Variants in APP observed in about 807,000 individuals in gnomAD.
The protein encoded by APP is amyloid beta precursor protein.
Under a neutral mutation model 101.4 loss-of-function variants are expected in APP, and 31 were observed. That is an observed-to-expected ratio of 0.31 (90% CI 0.23 to 0.41). The LOEUF is 0.41. Among genes scored for constraint, APP ranks in the 10% least tolerant of loss-of-function variants. The pLI, the probability that APP is intolerant of heterozygous loss-of-function variation, is 1.00. For synonymous variants in APP, 366 were observed against 364.4 expected, an observed-to-expected ratio of 1.00 and a Z score of -0.05; for missense variants, 839 against 1,003.7, an observed-to-expected ratio of 0.84 and a Z score of 2.22.
intron 1 of APP, among the ~76,000 whole-genome samples, chr21:26,133,676 G>A (rs1052554427): frequency 4.6e-5 from 7 of 152,122 alleles, no homozygotes; most frequent in African/African-American, 1.7e-4. Flanking sequence ...GGAGGCTGAG[G>A]CAGGAGAATC....
intron 5 of APP, among the ~76,000 whole-genome samples, chr21:26,049,112 A>T (rs2045730124): frequency 6.6e-6 from 1 of 152,164 alleles, no homozygotes; most frequent in African/African-American, 2.4e-5. Context: ...AGGATTAAAA[A>T]CACATAGTAG....
In APP at chr21:25,892,377, C is replaced by CTAAT. The variant is rs563705682; in HGVS notation, c.2065-513_2065-510dup. On this transcript the variant is annotated intron_variant, in intron 16 of 17. Coordinates refer to ENST00000346798, the MANE Select transcript of APP (RefSeq NM_000484.4). The stretch of plus-strand genomic sequence containing the variant: ...GGTGTTTTTCAACTCTGCAGATGTC[C>CTAAT]TAATTTCCTTGGAGGGACACTTTTA... 3.2e-3 allele frequency among the ~76,000 whole-genome samples: 482 copies of CTAAT among 152,286 alleles called. 2 individuals are homozygous for CTAAT. The highest frequency in any genetic ancestry group is 0.011 in the African/African-American group (452 of 41,568).
intron 13 of APP, among the ~76,000 whole-genome samples, chr21:25,948,469 C>T (rs892481490): frequency 1.3e-5 from 2 of 152,112 alleles, no homozygotes; most frequent in Admixed American, 6.6e-5. Context: ...CTTGATTCCC[C>T]GCCATATCTT....
At chr21:26,096,726 G>T (rs2000454) in intron 2 of APP, among the ~76,000 whole-genome samples, 148,090 of 152,226 alleles carry the variant, frequency 0.97, 72,042 homozygotes, top group African/African-American at 0.99. Flanking sequence ...CAGTGAACTG[G>T]GATCACGTCA....
chr21:25,988,966 C>A (rs2042751850), intron 8 of APP, among the ~76,000 whole-genome samples: 1 of 152,144 alleles, frequency 6.6e-6, no homozygotes, highest in Non-Finnish European at 1.5e-5. Flanking sequence ...ACACTGTGAT[C>A]TATTCTCAAT....
At chr21:25,992,015 G>A (rs115195542) in intron 8 of APP, among the ~76,000 whole-genome samples, 1,563 of 152,290 alleles carry the variant, frequency 0.01, 25 homozygotes, top group African/African-American at 0.035. Flanking sequence ...ACATCATGGT[G>A]GCTGGGATAG....
At position 25,955,624 on chromosome 21, in the gene APP, T is replaced by C. The variant is rs2041281287; in HGVS notation, c.1587+3A>G. On this transcript the variant is annotated splice_donor_region_variant and intron_variant, in intron 12 of 17. Coordinates refer to ENST00000346798, the MANE Select transcript of APP (RefSeq NM_000484.4). ...GCAGAAGATGATTATACCCCACGCT[T>C]ACCTGGGACCGGATCTGAGCGGCTT... 6.2e-7 allele frequency: 1 copy of C among 1,614,078 alleles called. No individual in the cohort carries two copies. The highest frequency in any genetic ancestry group is 8.5e-7 in the Non-Finnish European group (1 of 1,179,982).
chr21:25,952,714 A>T (rs138742065), intron 13 of APP, among the ~76,000 whole-genome samples: 1,537 of 151,892 alleles, frequency 0.01, 13 homozygotes, highest in Non-Finnish European at 0.016. Flanking sequence ...CTGAAGTCAC[A>T]TGTGAAAACA....
chr21:26,133,507 C>T (rs1007616254), intron 1 of APP, among the ~76,000 whole-genome samples: 2 of 151,488 alleles, frequency 1.3e-5, no homozygotes, highest in Admixed American at 6.6e-5. Flanking sequence ...TAGAATAGGC[C>T]GGGCGCGGTG....
chr21:26,139,058 T>C (rs986345987), intron 1 of APP, among the ~76,000 whole-genome samples: 3 of 152,178 alleles, frequency 2.0e-5, no homozygotes, highest in Non-Finnish European at 1.5e-5. Context: ...GTAGAGTCTG[T>C]ATTTTAATGT....
chr21:26,041,059 T>C (rs1443050086), intron 5 of APP, among the ~76,000 whole-genome samples: 3 of 152,206 alleles, frequency 2.0e-5, no homozygotes, highest in South Asian at 2.1e-4. Flanking sequence ...TCAAAGGAAA[T>C]AGTTTGAACA....
At chr21:26,017,355 G>T (rs932625085) in intron 6 of APP, among the ~76,000 whole-genome samples, 2 of 150,146 alleles carry the variant, frequency 1.3e-5, no homozygotes, top group Non-Finnish European at 3.0e-5. Flanking sequence ...GGGAGGCTGA[G>T]GTTTGAACTC....
chr21:26,045,055 T>A (rs1462582104), intron 5 of APP, among the ~76,000 whole-genome samples: 4 of 151,962 alleles, frequency 2.6e-5, no homozygotes, highest in Non-Finnish European at 4.4e-5. Context: ...AGTGGACAAA[T>A]GCCCAAGGCA....
At chr21:26,143,352 T>G (rs1339345059) in intron 1 of APP, among the ~76,000 whole-genome samples, 1 of 152,218 alleles carries the variant, frequency 6.6e-6, no homozygotes, top group Non-Finnish European at 1.5e-5. Flanking sequence ...AAAGTTATTA[T>G]CCCTTTTGGC....
intron 13 of APP, chr21:25,945,876 C>T (rs1334273045): frequency 1.3e-5 from 6 of 455,336 alleles, no homozygotes; most frequent in African/African-American, 1.2e-4. Context: ...GAAATGTGGT[C>T]TTGCCATGTT....
chr21:26,028,557 A>G (rs115384945), intron 5 of APP, among the ~76,000 whole-genome samples: 1,836 of 152,302 alleles, frequency 0.012, 40 homozygotes, highest in African/African-American at 0.041. Flanking sequence ...CTGCAGAGAC[A>G]CGGGGATTCA....
chr21:25,894,526 G>C (rs528025792), intron 16 of APP, among the ~76,000 whole-genome samples: 106 of 152,280 alleles, frequency 7.0e-4, no homozygotes, highest in African/African-American at 2.5e-3. Flanking sequence ...TGACTTTGAG[G>C]AGTTCAAGAC....
chr21:25,897,814 AATG>A, intron 15 of APP, 141 bp from the exon 16 acceptor site: 5 of 700,742 alleles, frequency 7.1e-6, no homozygotes, highest in South Asian at 6.4e-5. Flanking sequence ...CTTAAAGAAA[AATG>A]ATACCCTATA....
chr21:26,033,364 T>C (rs547764602), intron 5 of APP, among the ~76,000 whole-genome samples: 1 of 152,304 alleles, frequency 6.6e-6, no homozygotes, highest in African/African-American at 2.4e-5. Flanking sequence ...TGTGTTTGCT[T>C]CCCCTTCTGC....
Sources: allele counts gnomAD v4.1 joint callset (sites outside exome capture counted in the v4.1 genomes callset), GRCh38; gene constraint gnomAD v4.1.1; transcripts MANE v1.5; gene names NCBI Gene and HGNC (gene_info 2026-07-23, HGNC 2026-07-21).